Variants in ABCC9 observed in about 807,000 individuals in gnomAD.
ABCC9 encodes the protein ATP binding cassette subfamily C member 9.
In ABCC9, 95 loss-of-function variants were observed where a neutral mutation model predicts 188.3. The observed-to-expected ratio is 0.50, with a 90% CI of 0.43 to 0.60. The LOEUF (loss-of-function observed/expected upper bound fraction) is 0.60, where lower values mean the gene tolerates loss of function less well. ABCC9 is among the 20% of genes least tolerant of loss of function. The pLI is 0.00. For missense variants in ABCC9, 1,102 were observed against 1,876.3 expected (o/e 0.59, Z 7.62); for synonymous variants, 659 against 652.7 (o/e 1.01, Z -0.15).
chr12:21,883,922 A>G (rs1191469879), intron 15 of ABCC9, among the ~76,000 whole-genome samples: 1 of 152,172 alleles, frequency 6.6e-6, no homozygotes, highest in African/African-American at 2.4e-5. Flanking sequence ...GAAATTTGTC[A>G]TTCTCTAATT....
At chr12:21,924,552 T>C (rs749339409) in intron 5 of ABCC9, 2 of 152,078 alleles carry the variant, frequency 1.3e-5, no homozygotes, top group Non-Finnish European at 2.9e-5. Context: ...ATATTTTATC[T>C]CCATGTCCTT....
At chr12:21,899,267 CTT>C (rs1947589634) in intron 12 of ABCC9, among the ~76,000 whole-genome samples, 1 of 152,212 alleles carries the variant, frequency 6.6e-6, no homozygotes, top group Non-Finnish European at 1.5e-5. Context: ...TCAAATGAAT[CTT>C]CGGCCAATGC....
At chr12:21,807,755 T>C (rs1941956609) in intron 37 of ABCC9, among the ~76,000 whole-genome samples, 1 of 152,202 alleles carries the variant, frequency 6.6e-6, no homozygotes, top group African/African-American at 2.4e-5. Flanking sequence ...AATTATTTAA[T>C]TATTTAATAC....
At chr12:21,846,380 C>A (rs1414698230) in intron 25 of ABCC9, among the ~76,000 whole-genome samples, 1 of 152,194 alleles carries the variant, frequency 6.6e-6, no homozygotes, top group African/African-American at 2.4e-5. Context: ...AGATGGGCTT[C>A]CTTAAGAAGG....
Position 21,936,498 on chromosome 12 carries a change from T to G in ABCC9, c.142+35A>C, listed in dbSNP as rs17846791. ...CAGCCATTAGCGAGATATATAAACA[T>G]CAAATGGTATAACATAAGATACTAG... On this transcript the variant is annotated intron_variant, in intron 3 of 39. Transcript: ENST00000261200. 5.0e-4 allele frequency: 783 copies of G among 1,567,044 alleles called. 6 individuals are homozygous for G. In the East Asian group the frequency reaches 0.016, roughly 32 times the overall value.
intron 5 of ABCC9, among the ~76,000 whole-genome samples, chr12:21,918,058 C>T (rs1375351386): frequency 6.6e-6 from 1 of 151,510 alleles, no homozygotes; most frequent in African/African-American, 2.4e-5. Flanking sequence ...AAATTATATG[C>T]TATCTAAAGA....
Position 21,895,285 on chromosome 12 carries a change from G to A in ABCC9, c.1649C>T (p.Ala550Val), listed in dbSNP as rs1476117427. The A allele has an allele frequency of 6.2e-7, 1 of 1,613,626 alleles. No homozygotes were observed. The highest frequency in any genetic ancestry group is 8.5e-7 in the Non-Finnish European group (1 of 1,179,614). ...IFMNAAIPIA[A>V]VLATFVTHAY... is the part of the protein sequence containing the mutation. ...GAAAAAGTGTCTTACAGCAAGAACA[G>A]CTGCTATGGGAATTGCTGCATTCAT... The change falls in exon 13 of 40, where the codon GCT becomes GTT. Residue 550 changes from alanine (A) to valine (V), a missense_variant. Physicochemically the swap from Ala to Val is moderately conservative, Grantham distance 64. This residue lies in a region of ABCC9 where 258 missense variants were observed against 325.6 expected (regional missense o/e 0.79). Coordinates refer to ENST00000261200, the MANE Select transcript of ABCC9 (RefSeq NM_020297.4).
intron 31 of ABCC9, among the ~76,000 whole-genome samples, chr12:21,826,264 T>C (rs1215760217): frequency 6.6e-6 from 1 of 151,700 alleles, no homozygotes; most frequent in Non-Finnish European, 1.5e-5. Flanking sequence ...TTTCATTACT[T>C]TAAAAAAAAA....
At chr12:21,937,705 T>C (rs17335932) in intron 2 of ABCC9, among the ~76,000 whole-genome samples, 4,478 of 152,288 alleles carry the variant, frequency 0.029, 74 homozygotes, top group Middle Eastern at 0.075. Context: ...ACTTTGCATA[T>C]CTTAAATCCT....
chr12:21,829,496 C>A (rs530239670), intron 30 of ABCC9, among the ~76,000 whole-genome samples: 110 of 152,190 alleles, frequency 7.2e-4, no homozygotes, highest in Non-Finnish European at 1.4e-3. Context: ...CCACCGCACC[C>A]GGCCCAGTAA....
chr12:21,909,712 A>T (rs1056908609), intron 10 of ABCC9, among the ~76,000 whole-genome samples: 2 of 151,942 alleles, frequency 1.3e-5, no homozygotes, highest in African/African-American at 4.8e-5. Context: ...GCCAAAATAA[A>T]AGGGGTCAAA....
At chr12:21,868,364 G>T (rs1396991605) in intron 18 of ABCC9, among the ~76,000 whole-genome samples, 2 of 152,212 alleles carry the variant, frequency 1.3e-5, no homozygotes, top group Non-Finnish European at 2.9e-5. Context: ...TTATGGCCGG[G>T]CACGGTGGCT....
At chr12:21,912,596 ACACAAAG>A (rs1948372389) in intron 8 of ABCC9, among the ~76,000 whole-genome samples, 1 of 152,100 alleles carries the variant, frequency 6.6e-6, no homozygotes, top group Non-Finnish European at 1.5e-5. Context: ...CACAATTTCT[ACACAAAG>A]TTTCTGGCAT....
intron 5 of ABCC9, among the ~76,000 whole-genome samples, chr12:21,920,655 C>CT (rs1948777499): frequency 6.6e-6 from 1 of 151,898 alleles, no homozygotes; most frequent in African/African-American, 2.4e-5. Context: ...AATACTAGGT[C>CT]TTATTCATTT....
At position 21,844,521 on chromosome 12, in the gene ABCC9, G is replaced by A; in HGVS notation, c.3277C>T (p.Leu1093Phe). 16 of 1,613,750 alleles carry A rather than the reference G, an allele frequency of 9.9e-6. No homozygotes were observed. The highest frequency in any genetic ancestry group is 1.3e-5 in the Non-Finnish European group (15 of 1,179,710). Residue 1093 changes from leucine to phenylalanine, a missense_variant, in exon 28 of 40, where the codon CTC (leucine) becomes TTC (phenylalanine). Around this residue, in one of 12 missense-constraint regions of ABCC9, gnomAD observed 74 missense variants for 132.7 expected, o/e 0.56. Coordinates refer to ENST00000261200, the MANE Select transcript of ABCC9 (RefSeq NM_020297.4). ...TTAGTATCAGCTGAAAAGCGATTGAGAATCAGTCCCAGGGGTGTGGTATCA... is the reference window on the plus strand; with the variant it reads ...TTAGTATCAGCTGAAAAGCGATTGAAAATCAGTCCCAGGGGTGTGGTATCA... ...FFDTTPLGLI[L>F]NRFSADTNII...
chr12:21,803,545 C>G (rs564233237), intron 39 of ABCC9, among the ~76,000 whole-genome samples: 1 of 151,224 alleles, frequency 6.6e-6, no homozygotes, highest in South Asian at 2.1e-4. Context: ...ACCCCAGCTA[C>G]TCGGGAGGCT....
intron 5 of ABCC9, 76 bp from the exon 6 acceptor site, chr12:21,917,179 G>T: frequency 6.8e-7 from 1 of 1,479,412 alleles, no homozygotes; most frequent in Non-Finnish European, 9.4e-7. Flanking sequence ...TAATTATGAT[G>T]CTTTTTAATA....
At chr12:21,838,721 A>C (rs947615314) in intron 29 of ABCC9, among the ~76,000 whole-genome samples, 6 of 152,276 alleles carry the variant, frequency 3.9e-5, no homozygotes, top group Non-Finnish European at 7.3e-5. Flanking sequence ...GGGCTGAAAA[A>C]AATCGCTGAA....
At chr12:21,857,100 G>T (rs1172232794) in intron 22 of ABCC9, among the ~76,000 whole-genome samples, 4 of 152,162 alleles carry the variant, frequency 2.6e-5, no homozygotes, top group Non-Finnish European at 4.4e-5. Flanking sequence ...GCATTCCATT[G>T]CTGCTAAAAT....
Sources: gnomAD v4.1 joint callset for allele counts (sites outside exome capture counted in the v4.1 genomes callset) on GRCh38, gnomAD v4.1.1 for gene constraint, gnomAD v4.1.1 regional missense constraint, MANE v1.5 for transcripts, NCBI Gene and HGNC (gene_info 2026-07-23, HGNC 2026-07-21) for gene names.